Variants in BMAL2 observed in about 807,000 individuals in gnomAD.
The protein encoded by BMAL2 is basic helix-loop-helix ARNT like 2.
the BMAL2 span, among the ~76,000 whole-genome samples, chr12:27,416,518 T>G: frequency 3.9e-5 from 6 of 152,212 alleles, no homozygotes; most frequent in African/African-American, 7.2e-5. Flanking sequence ...CTAAACCTAG[T>G]GCTATCTGGA....
the BMAL2 span, among the ~76,000 whole-genome samples, chr12:27,371,727 CACACAT>C: frequency 7.7e-5 from 8 of 104,218 alleles, no homozygotes; most frequent in Middle Eastern, 4.1e-3. Context: ...CACACACACA[CACACAT>C]ATATATATAA....
At chr12:27,373,137 C>T in the BMAL2 span, among the ~76,000 whole-genome samples, 3 of 152,014 alleles carry the variant, frequency 2.0e-5, no homozygotes, top group South Asian at 2.1e-4. Flanking sequence ...TTGCCAAGGA[C>T]GAGGTTTTCT....
the BMAL2 span, among the ~76,000 whole-genome samples, chr12:27,346,310 G>A: frequency 0.026 from 3,888 of 152,212 alleles, 120 homozygotes; most frequent in African/African-American, 0.078. Context: ...ACCCAGGCTG[G>A]AGTGCAGTGG....
chr12:27,348,044 G>A, the BMAL2 span, among the ~76,000 whole-genome samples: 2 of 152,240 alleles, frequency 1.3e-5, no homozygotes, highest in East Asian at 3.9e-4. Context: ...AATCCCTGGG[G>A]CTCTCTGACA....
At chr12:27,366,153 C>T in the BMAL2 span, among the ~76,000 whole-genome samples, 1 of 152,050 alleles carries the variant, frequency 6.6e-6, no homozygotes, top group South Asian at 2.1e-4. Flanking sequence ...CACAATTACA[C>T]TGAAGTCAGA....
chr12:27,402,654 C>A, the BMAL2 span: 1 of 1,611,924 alleles, frequency 6.2e-7, no homozygotes, highest in Non-Finnish European at 8.5e-7. Flanking sequence ...TCATTTTTAC[C>A]TTGTAGCTCT....
the BMAL2 span, among the ~76,000 whole-genome samples, chr12:27,420,019 G>GCGCACGCGCACACA: frequency 0.011 from 1,575 of 147,566 alleles, 10 homozygotes; most frequent in Non-Finnish European, 0.016. Flanking sequence ...GTTTGCGCGT[G>GCGCACGCGCACACA]CACACACACA....
chr12:27,362,007 C>G, the BMAL2 span, among the ~76,000 whole-genome samples: 1 of 149,514 alleles, frequency 6.7e-6, no homozygotes, highest in Non-Finnish European at 1.5e-5. Flanking sequence ...GAAGATCATG[C>G]TTCCCAGAAT....
chr12:27,393,261 A>C, the BMAL2 span, among the ~76,000 whole-genome samples: 2 of 152,204 alleles, frequency 1.3e-5, no homozygotes, highest in Non-Finnish European at 2.9e-5. Context: ...CCTCCCTGAT[A>C]TTCAGGAGAA....
chr12:27,366,799 T>C, the BMAL2 span, among the ~76,000 whole-genome samples: 1 of 152,358 alleles, frequency 6.6e-6, no homozygotes, highest in Non-Finnish European at 1.5e-5. Flanking sequence ...AAATGTAGGT[T>C]CTAACAATAG....
At chr12:27,345,088 A>G in the BMAL2 span, among the ~76,000 whole-genome samples, 1 of 152,076 alleles carries the variant, frequency 6.6e-6, no homozygotes, top group Non-Finnish European at 1.5e-5. Flanking sequence ...TTTTTTTCTC[A>G]AGGCTATCAT....
the BMAL2 span, among the ~76,000 whole-genome samples, chr12:27,368,672 G>A: frequency 6.6e-6 from 1 of 152,122 alleles, no homozygotes; most frequent in Non-Finnish European, 1.5e-5. Context: ...AATGTTTATG[G>A]TCATGGCAAG....
the BMAL2 span, among the ~76,000 whole-genome samples, chr12:27,371,968 G>C: frequency 0.057 from 8,668 of 152,188 alleles, 261 homozygotes; most frequent in African/African-American, 0.066. Flanking sequence ...CTAGCAAATT[G>C]CCACTATTTC....
the BMAL2 span, among the ~76,000 whole-genome samples, chr12:27,404,668 G>C: frequency 6.6e-6 from 1 of 152,218 alleles, no homozygotes; most frequent in African/African-American, 2.4e-5. Flanking sequence ...ACAGCTCCCA[G>C]CATGAGCGAC....
At chr12:27,357,692 A>G in the BMAL2 span, among the ~76,000 whole-genome samples, 1 of 152,222 alleles carries the variant, frequency 6.6e-6, no homozygotes, top group Non-Finnish European at 1.5e-5. Context: ...GGAACAGAAT[A>G]GAGAACCCAG....
the BMAL2 span, among the ~76,000 whole-genome samples, chr12:27,354,024 C>G: frequency 6.6e-6 from 1 of 152,152 alleles, no homozygotes; most frequent in Non-Finnish European, 1.5e-5. Flanking sequence ...TCTCAAAGAA[C>G]TTAAAACAGA....
chr12:27,344,073 T>G, the BMAL2 span, among the ~76,000 whole-genome samples: 1 of 152,222 alleles, frequency 6.6e-6, no homozygotes, highest in Non-Finnish European at 1.5e-5. Flanking sequence ...CCCCAGCAAC[T>G]TATGAGGTAG....
the BMAL2 span, chr12:27,415,990 C>G: frequency 7.5e-7 from 1 of 1,336,762 alleles, no homozygotes; most frequent in South Asian, 1.3e-5. Context: ...AATAAATGAA[C>G]AATAAAATTT....
chr12:27,355,648 A>G, the BMAL2 span, among the ~76,000 whole-genome samples: 3 of 151,976 alleles, frequency 2.0e-5, no homozygotes, highest in African/African-American at 4.8e-5. Flanking sequence ...CAAAACATCT[A>G]TTTTCTCTGC....
Sources: allele counts gnomAD v4.1 joint callset (sites outside exome capture counted in the v4.1 genomes callset), GRCh38; gene constraint gnomAD v4.1.1; transcripts MANE v1.5; gene names NCBI Gene and HGNC (gene_info 2026-07-23, HGNC 2026-07-21).